The following MGAT5 variants were observed in gnomAD, a reference collection of about 807,000 sequenced individuals.
The protein encoded by MGAT5 is alpha-1,6-mannosylglycoprotein 6-beta-N-acetylglucosaminyltransferase A.
A neutral mutation model predicts 94.3 loss-of-function variants in MGAT5; 30 were observed. The observed-to-expected ratio is 0.32, with a 90% CI of 0.24 to 0.43. The LOEUF (loss-of-function observed/expected upper bound fraction) is 0.43. Ranked by LOEUF, MGAT5 falls within the 20% of genes least tolerant of loss-of-function variation. The pLI is 1.00. For missense variants in MGAT5, 691 were observed against 905.5 expected (o/e 0.76, Z 3.04); for synonymous variants, 310 against 322.9 (o/e 0.96, Z 0.43).
Position 134,402,985 on chromosome 2 carries a change from T to C in MGAT5, c.1381-3T>C. 6.3e-7 allele frequency: 1 copy of C among 1,582,390 alleles called. No individual in the cohort carries two copies. Among genetic ancestry groups the C allele is most frequent in the Non-Finnish European group, 8.6e-7 (1 of 1,168,502 alleles). On this transcript the variant is annotated splice_region_variant and splice_polypyrimidine_tract_variant and intron_variant, in intron 10 of 15. Coordinates refer to ENST00000281923, the MANE Select transcript of MGAT5 (RefSeq NM_002410.5). Reference sequence around the variant, plus strand: ...AATGTCTTGTGCTTGTTTTCTTCTTTAGAATAAGAAGATCTACTTGGACAT... The same window carrying C: ...AATGTCTTGTGCTTGTTTTCTTCTTCAGAATAAGAAGATCTACTTGGACAT...
intron 4 of MGAT5, among the ~76,000 whole-genome samples, chr2:134,332,279 T>C (rs1337275418): frequency 2.6e-5 from 4 of 151,802 alleles, no homozygotes; most frequent in African/African-American, 9.7e-5. Context: ...TCAGAAATAA[T>C]GCCACATATC....
chr2:134,307,636 A>G (rs1343425411), intron 2 of MGAT5, among the ~76,000 whole-genome samples: 2 of 151,806 alleles, frequency 1.3e-5, no homozygotes, highest in African/African-American at 4.8e-5. Context: ...TTACTACCCT[A>G]CCCTGAGTCC....
chr2:134,275,757 T>C (rs868433779), intron 2 of MGAT5, among the ~76,000 whole-genome samples: 1 of 151,932 alleles, frequency 6.6e-6, no homozygotes, highest in Non-Finnish European at 1.5e-5. Context: ...CAAATTCTTT[T>C]TTCTTATTTT....
intron 9 of MGAT5, among the ~76,000 whole-genome samples, chr2:134,352,335 T>C (rs1311389168): frequency 6.6e-6 from 1 of 152,146 alleles, no homozygotes. Flanking sequence ...GTGAATAATA[T>C]GGTCCATTAA....
chr2:134,237,148 T>TGCGTGC (rs1681689342), intron 1 of MGAT5, among the ~76,000 whole-genome samples: 2 of 140,744 alleles, frequency 1.4e-5, no homozygotes, highest in Non-Finnish European at 3.1e-5. Flanking sequence ...TGTGTGTGTG[T>TGCGTGC]GCGCGTGTGT....
At chr2:134,398,403 G>A (rs932906364) in intron 10 of MGAT5, among the ~76,000 whole-genome samples, 4 of 152,208 alleles carry the variant, frequency 2.6e-5, no homozygotes, top group Non-Finnish European at 5.9e-5. Flanking sequence ...ACTCACAGAT[G>A]TTCACCCTGG....
At chr2:134,372,443 A>G (rs1016598724) in intron 10 of MGAT5, among the ~76,000 whole-genome samples, 1 of 152,206 alleles carries the variant, frequency 6.6e-6, no homozygotes, top group Admixed American at 6.5e-5. Flanking sequence ...GCAAATAAAA[A>G]TTTGTATGAA....
At chr2:134,332,808 TATGC>T (rs1688061245) in intron 4 of MGAT5, among the ~76,000 whole-genome samples, 1 of 152,182 alleles carries the variant, frequency 6.6e-6, no homozygotes, top group South Asian at 2.1e-4. Context: ...AGAAGACATT[TATGC>T]AGCCAAAAAA....
intron 1 of MGAT5, among the ~76,000 whole-genome samples, chr2:134,180,314 T>C (rs1688674730): frequency 6.6e-6 from 1 of 152,162 alleles, no homozygotes; most frequent in African/African-American, 2.4e-5. Flanking sequence ...TTGGGGTCTG[T>C]ATTGGGACCT....
chr2:134,335,611 T>C (rs1423326487), intron 4 of MGAT5, among the ~76,000 whole-genome samples: 3 of 152,154 alleles, frequency 2.0e-5, no homozygotes, highest in Non-Finnish European at 4.4e-5. Flanking sequence ...CAAGGTTTTT[T>C]TTTTTTCTCC....
chr2:134,447,470 A>G (rs972139836), intron 15 of MGAT5, among the ~76,000 whole-genome samples: 3 of 152,210 alleles, frequency 2.0e-5, no homozygotes, highest in Admixed American at 6.5e-5. Context: ...AGAATCATTT[A>G]TCCCCATTCT....
chr2:134,283,645 C>CTTTTTT (rs35922830), intron 2 of MGAT5, among the ~76,000 whole-genome samples: 7 of 69,086 alleles, frequency 1.0e-4, no homozygotes, highest in Admixed American at 1.8e-4. Flanking sequence ...AATGTAGTAT[C>CTTTTTT]TTTTTTTTTT....
chr2:134,429,478 G>T (rs556278476), intron 14 of MGAT5, among the ~76,000 whole-genome samples: 1 of 152,136 alleles, frequency 6.6e-6, no homozygotes, highest in African/African-American at 2.4e-5. Flanking sequence ...ACATGACTTG[G>T]GCATGTTACT....
At chr2:134,182,770 TAGA>T (rs1475328827) in intron 1 of MGAT5, among the ~76,000 whole-genome samples, 8 of 149,620 alleles carry the variant, frequency 5.3e-5, no homozygotes, top group African/African-American at 2.0e-4. Flanking sequence ...TAGTGCATGT[TAGA>T]AGATTAGTTT....
chr2:134,323,546 G>T (rs559025678), intron 4 of MGAT5, among the ~76,000 whole-genome samples: 1 of 152,022 alleles, frequency 6.6e-6, no homozygotes, highest in African/African-American at 2.4e-5. Context: ...AGGTCAAGTC[G>T]CTTATCCCCA....
At chr2:134,342,272 G>A (rs1688676339) in intron 7 of MGAT5, among the ~76,000 whole-genome samples, 1 of 152,058 alleles carries the variant, frequency 6.6e-6, no homozygotes, top group Admixed American at 6.6e-5. Context: ...ACTGAAATTT[G>A]CTTCTAGCTC....
At chr2:134,425,350 GT>G (rs963518126) in intron 13 of MGAT5, among the ~76,000 whole-genome samples, 2 of 151,546 alleles carry the variant, frequency 1.3e-5, no homozygotes, top group African/African-American at 4.8e-5. Context: ...TGTGTTTTTA[GT>G]TTTTTTTGTT....
At chr2:134,304,873 G>A (rs1473066797) in intron 2 of MGAT5, among the ~76,000 whole-genome samples, 1 of 152,136 alleles carries the variant, frequency 6.6e-6, no homozygotes, top group Non-Finnish European at 1.5e-5. Context: ...ACTGCACCTG[G>A]CACAATCTGG....
chr2:134,408,264 C>A (rs1368880391), intron 11 of MGAT5, among the ~76,000 whole-genome samples: 1 of 152,204 alleles, frequency 6.6e-6, no homozygotes, highest in African/African-American at 2.4e-5. Context: ...GCTGGCCCAA[C>A]TGAACATGTT....
Sources: allele counts gnomAD v4.1 joint callset (sites outside exome capture counted in the v4.1 genomes callset), GRCh38; gene constraint gnomAD v4.1.1; transcripts MANE v1.5; gene names NCBI Gene and HGNC (gene_info 2026-07-23, HGNC 2026-07-21).